Variants in AGAP1 observed in about 807,000 individuals in gnomAD.
AGAP1 encodes the protein ArfGAP with GTPase domain, ankyrin repeat and PH domain 1.
AGAP1 carries 29 observed loss-of-function variants against 105.3 expected under a neutral mutation model. The ratio of observed to expected loss-of-function variants is 0.28; its 90% CI spans 0.21 to 0.38. The LOEUF (loss-of-function observed/expected upper bound fraction) is 0.38. AGAP1 is among the 10% of genes least tolerant of loss of function. The pLI is 1.00. For synonymous variants in AGAP1, 509 were observed against 485.9 expected (o/e 1.05, Z -0.63); for missense variants, 998 against 1,165.1 (o/e 0.86, Z 2.09).
intron 1 of AGAP1, among the ~76,000 whole-genome samples, chr2:235,603,808 A>G (rs1192613689): frequency 6.6e-6 from 1 of 152,132 alleles, no homozygotes; most frequent in Non-Finnish European, 1.5e-5. Context: ...CGGTTATGCA[A>G]CATTTCATGG....
chr2:235,792,689 T>A lies in AGAP1; in HGVS notation c.674-5070T>A, dbSNP rs1268080012. Among the ~76,000 whole-genome samples, 2 of 152,152 alleles carry A rather than the reference T, an allele frequency of 1.3e-5. No individual in the cohort carries two copies. Among genetic ancestry groups the A allele is most frequent in the Non-Finnish European group, 2.9e-5 (2 of 68,028 alleles). ...TGTTCTGTCCATGGTGAAGAGCGGG[T>A]TGTGCCATCGACTGAGCTAGAAAAC... On this transcript the variant is annotated intron_variant, in intron 6 of 17. Coordinates refer to ENST00000304032, the MANE Select transcript of AGAP1 (RefSeq NM_001037131.3). The surrounding 1 kb of genome is among the most constrained non-coding windows in gnomAD (Gnocchi z 5.3).
In AGAP1 at chr2:235,746,377, C is replaced by CTTTTTTTTTTTTTTTTTT. The variant is rs1172393048; in HGVS notation, c.538+1555_538+1572dup. ...GCTTCCTGGAGAGCACCTCCCCCAACTTTTTTTTTTTTTTTTTTTTTTTTT... is the reference window on the plus strand; with the variant it reads ...GCTTCCTGGAGAGCACCTCCCCCAACTTTTTTTTTTTTTTTTTTTTTTTTTTTTTTTTTTTTTTTTTTT... On this transcript the variant is annotated intron_variant, in intron 5 of 17. Coordinates refer to ENST00000304032, the MANE Select transcript of AGAP1 (RefSeq NM_001037131.3). Among the ~76,000 whole-genome samples the CTTTTTTTTTTTTTTTTTT allele has an allele frequency of 5.4e-4, 30 of 55,560 alleles. 6 individuals are homozygous for CTTTTTTTTTTTTTTTTTT. The highest frequency in any genetic ancestry group is 2.3e-3 in the East Asian group (4 of 1,710). The allele number at this position is 55,560 out of a possible 152,430, so 36.4% of individuals were successfully genotyped here.
intron 13 of AGAP1, among the ~76,000 whole-genome samples, chr2:236,011,001 G>T (rs552480479): frequency 1.3e-5 from 2 of 152,210 alleles, no homozygotes; most frequent in East Asian, 1.9e-4. Flanking sequence ...GAGCTGAGAT[G>T]GCGCCACTGC....
chr2:235,835,773 A>C (rs1234376616), intron 9 of AGAP1, among the ~76,000 whole-genome samples: 1 of 152,202 alleles, frequency 6.6e-6, no homozygotes, highest in Non-Finnish European at 1.5e-5. Context: ...TTTACTAATA[A>C]GTGTGTATCA....
At position 235,963,738 on chromosome 2, in the gene AGAP1, A is replaced by G. The variant is rs1575904670; in HGVS notation, c.1484-4724A>G. Among the ~76,000 whole-genome samples, 1 of 152,124 alleles carries G rather than the reference A, an allele frequency of 6.6e-6. No individual in the cohort carries two copies. The highest frequency in any genetic ancestry group is 2.4e-5 in the African/African-American group (1 of 41,408). On this transcript the variant is annotated intron_variant, in intron 12 of 17. Transcript: ENST00000304032. The surrounding 1 kb of genome is among the most constrained non-coding windows in gnomAD (Gnocchi z 5.1). ...CCATCTTTTTCATTGATGTGGATGG[A>G]TATATGGGAGTATATGCTCAGAACG...
intron 12 of AGAP1, among the ~76,000 whole-genome samples, chr2:235,954,264 GAC>G (rs977539985): frequency 4.0e-5 from 6 of 150,954 alleles, no homozygotes; most frequent in Admixed American, 1.3e-4. Context: ...AAATCAGAGG[GAC>G]ACAGCCACAT....
rs1956745738 is a variant in AGAP1, at chr2:235,787,883, C to T, written c.674-9876C>T. Among the ~76,000 whole-genome samples, 1 of 84,444 alleles carries T rather than the reference C, an allele frequency of 1.2e-5. No homozygotes were observed. The highest frequency in any genetic ancestry group is 1.7e-4 in the Admixed American group (1 of 5,766). 55.4% of individuals were successfully genotyped at this position (84,444 alleles called of 152,430 possible). On this transcript the variant is annotated intron_variant, in intron 6 of 17. Transcript: ENST00000304032. The surrounding 1 kb of genome is among the most constrained non-coding windows in gnomAD (Gnocchi z 4.4). ...GAGCAAGATCAAGAGCGTTCTAGAC[C>T]ATGAGCATTCTGGGACCAAGAGCCA...
chr2:235,685,084 G>A (rs567587465), intron 1 of AGAP1, among the ~76,000 whole-genome samples: 2 of 152,114 alleles, frequency 1.3e-5, no homozygotes, highest in African/African-American at 4.8e-5. Flanking sequence ...TGGGTGGGCC[G>A]AGGTTGAGTG....
intron 11 of AGAP1, among the ~76,000 whole-genome samples, chr2:235,915,286 A>C (rs989170682): frequency 1.3e-5 from 2 of 152,248 alleles, no homozygotes; most frequent in African/African-American, 4.8e-5. Context: ...GTGACATTTT[A>C]GTGAAAGGGA....
intron 1 of AGAP1, among the ~76,000 whole-genome samples, chr2:235,634,967 TCC>T (rs754031200): frequency 6.6e-6 from 1 of 150,720 alleles, no homozygotes; most frequent in Non-Finnish European, 1.5e-5. Flanking sequence ...ACCCTCAGCC[TCC>T]CCCCCGCTGT....
At position 235,861,439 on chromosome 2, in the gene AGAP1, A is replaced by G. The variant is rs532708983; in HGVS notation, c.1051-21906A>G. Reference sequence around the variant, plus strand: ...TTGAAATCTACTCCCTCATCAGGGAACACACTCTTGTTGATAGCAACAGCA... The same window carrying G: ...TTGAAATCTACTCCCTCATCAGGGAGCACACTCTTGTTGATAGCAACAGCA... On this transcript the variant is annotated intron_variant, in intron 9 of 17. Coordinates refer to ENST00000304032, the MANE Select transcript of AGAP1 (RefSeq NM_001037131.3). Among the ~76,000 whole-genome samples the G allele has an allele frequency of 3.3e-5, 5 of 152,340 alleles. No homozygotes were observed. The South Asian group carries it at 1.0e-3, about 32-fold the overall frequency.
At chr2:235,984,019 T>C (rs2055200238) in intron 13 of AGAP1, among the ~76,000 whole-genome samples, 1 of 152,206 alleles carries the variant, frequency 6.6e-6, no homozygotes, top group Admixed American at 6.5e-5. Flanking sequence ...AACATTTTCT[T>C]CACTCCAAAC....
At chr2:235,896,587 G>A (rs2124959234) in intron 10 of AGAP1, among the ~76,000 whole-genome samples, 1 of 152,310 alleles carries the variant, frequency 6.6e-6, no homozygotes, top group Admixed American at 6.5e-5. Context: ...TGGTCTGGAA[G>A]CCATGTGATA....
In AGAP1 at chr2:235,842,738, G is replaced by GTTTTC. The variant is rs1553647107; in HGVS notation, c.1050+35411_1050+35412insCTTTT. ...AGGTTTGTTTTTTTTGTTTTGTTTTGTTTTTTTGAGATGGAGTCTCACTCT... is the reference window on the plus strand; with the variant it reads ...AGGTTTGTTTTTTTTGTTTTGTTTTGTTTTCTTTTTTTGAGATGGAGTCTCACTCT... On this transcript the variant is annotated intron_variant, in intron 9 of 17. Transcript: ENST00000304032. This position sits in a 1 kb window ranked among gnomAD's most constrained non-coding sequence, Gnocchi z 5.3. Among the ~76,000 whole-genome samples the GTTTTC allele has an allele frequency of 6.6e-6, 1 of 151,736 alleles. No homozygotes were observed. The highest frequency in any genetic ancestry group is 6.6e-5 in the Admixed American group (1 of 15,230).
chr2:235,776,501 A>G (rs73996368), intron 6 of AGAP1, among the ~76,000 whole-genome samples: 2,129 of 152,244 alleles, frequency 0.014, 50 homozygotes, highest in African/African-American at 0.049. Context: ...AGCACCTACC[A>G]TAGTGGTTTC....
chr2:235,602,072 C>T (rs771392538), intron 1 of AGAP1, among the ~76,000 whole-genome samples: 50 of 152,286 alleles, frequency 3.3e-4, no homozygotes, highest in Middle Eastern at 3.4e-3. Flanking sequence ...CCTCCAGGGC[C>T]GCAGAGCAGG....
rs1005344227 is a variant in AGAP1, at chr2:236,055,068, C to T, written c.2114+5787C>T. ...TGTTAAATATGTCCGGCAGCAATTA[C>T]TGTGACCTCCCGCTTGTCAAGGTCC... is the stretch of plus-strand genomic sequence containing the variant. On this transcript the variant is annotated intron_variant, in intron 16 of 17. Transcript: ENST00000304032. This position sits in a 1 kb window ranked among gnomAD's most constrained non-coding sequence, Gnocchi z 6.2. 6.6e-6 allele frequency among the ~76,000 whole-genome samples: 1 copy of T among 152,204 alleles called. No homozygotes were observed. Among genetic ancestry groups the T allele is most frequent in the Non-Finnish European group, 1.5e-5 (1 of 68,030 alleles).
chr2:235,571,975 TACACACACACAC>T (rs371181654), intron 1 of AGAP1, among the ~76,000 whole-genome samples: 3 of 78,986 alleles, frequency 3.8e-5, no homozygotes, highest in Admixed American at 1.2e-4. Context: ...TATATATGTA[TACACACACACAC>T]ACACACACAC....
At position 236,049,284 on chromosome 2, in the gene AGAP1, A is replaced by G. The variant is rs773060889; in HGVS notation, c.2114+3A>G. The G allele has an allele frequency of 5.6e-6, 9 of 1,607,270 alleles. No individual in the cohort carries two copies. Among genetic ancestry groups the G allele is most frequent in the Non-Finnish European group, 7.7e-6 (9 of 1,174,464 alleles). On this transcript the variant is annotated splice_donor_region_variant and intron_variant, in intron 16 of 17. Coordinates refer to ENST00000304032, the MANE Select transcript of AGAP1 (RefSeq NM_001037131.3). ...AAACCATCGGTAGACTCCACAAGGT[A>G]GGAACTTTGGAAGATGCCTGGCTCC...
Sources: gnomAD v4.1 joint callset for allele counts (sites outside exome capture counted in the v4.1 genomes callset) on GRCh38, gnomAD v4.1.1 for gene constraint, Gnocchi (gnomAD v3.1) non-coding constraint, MANE v1.5 for transcripts, NCBI Gene and HGNC (gene_info 2026-07-23, HGNC 2026-07-21) for gene names.